FZD2: variants seen among roughly 807,000 people sequenced by gnomAD.
The protein encoded by FZD2 is frizzled-2.
Under a neutral mutation model 36.7 loss-of-function variants are expected in FZD2, and 17 were observed. The ratio of observed to expected loss-of-function variants is 0.46; its 90% confidence interval spans 0.32 to 0.70. The LOEUF (loss-of-function observed/expected upper bound fraction) is 0.70. Among genes scored for constraint, FZD2 ranks in the 30% least tolerant of loss-of-function variants. The pLI is 0.04. For synonymous variants in FZD2, 333 were observed against 359.6 expected (o/e 0.93, Z 0.84); for missense variants, 525 against 805.6 (o/e 0.65, Z 4.22).
In FZD2 at chr17:44,559,378, ACCGTGTGAGGGACGCCCCCAGG is replaced by A; in HGVS notation, c.1694_*17del. 1 of 1,600,404 alleles carries A rather than the reference ACCGTGTGAGGGACGCCCCCAGG, an allele frequency of 6.2e-7. No individual in the cohort carries two copies. The highest frequency in any genetic ancestry group is 8.5e-7 in the Non-Finnish European group (1 of 1,172,388). On this transcript the variant is annotated stop_lost and 3_prime_UTR_variant, in exon 1 of 1. Transcript: ENST00000315323. This position sits in a 1 kb window ranked among gnomAD's most constrained non-coding sequence, Gnocchi z 4.4. ...CACCAACAGCCGACACGGTGAGACC[ACCGTGTGAGGGACGCCCCCAGG>A]CCGGAACCGCGCGGCGCTTTCCTCC...
chr17:44,557,851 A>G lies in FZD2; in HGVS notation c.163A>G (p.Thr55Ala), dbSNP rs1026329445. 1 of 1,613,972 alleles carries G rather than the reference A, an allele frequency of 6.2e-7. No individual in the cohort carries two copies. The highest frequency in any genetic ancestry group is 8.5e-7 in the Non-Finnish European group (1 of 1,179,990). The change falls in exon 1 of 1, where the codon ACC becomes GCC. Residue 55 changes from threonine (T) to alanine (A), a missense_variant. Thr to Ala is a moderately conservative substitution (Grantham distance 58). Transcript: ENST00000315323. This position sits in a 1 kb window ranked among gnomAD's most constrained non-coding sequence, Gnocchi z 4.9. ...GTGCACGGACATCGCCTACAACCAG[A>G]CCATCATGCCCAACCTTCTGGGCCA... ...PLCTDIAYNQ[T>A]IMPNLLGHTN...
Position 44,558,890 on chromosome 17 carries a change from T to C in FZD2, c.1202T>C (p.Val401Ala). 2 of 1,612,768 alleles carry C rather than the reference T, an allele frequency of 1.2e-6. No homozygotes were observed. The highest frequency in any genetic ancestry group is 1.7e-6 in the Non-Finnish European group (2 of 1,179,550). ...ATCGACGGCGACCTGCTGAGCGGCG[T>C]GTGCTTCGTAGGCCTCAACAGCCTG... ...GQIDGDLLSG[V>A]CFVGLNSLDP... The change falls in exon 1 of 1, where the codon GTG becomes GCG. Residue 401 changes from valine to alanine, a missense_variant. By Grantham distance (64) the Val-to-Ala change is moderately conservative (BLOSUM62 0). This residue lies in a region of FZD2 where 189 missense variants were observed against 298.1 expected (regional missense o/e 0.63). Transcript: ENST00000315323. The surrounding 1 kb of genome is among the most constrained non-coding windows in gnomAD (Gnocchi z 9.3).
Position 44,559,681 on chromosome 17 carries a change from A to G in FZD2, c.*295A>G, listed in dbSNP as rs1038186848. 6 of 185,978 alleles carry G rather than the reference A, an allele frequency of 3.2e-5. No individual in the cohort carries two copies. Among genetic ancestry groups the G allele is most frequent in the African/African-American group, 1.2e-4 (5 of 42,356 alleles). 11.5% of individuals were successfully genotyped at this position (185,978 alleles called of 1,614,324 possible). On this transcript the variant is annotated 3_prime_UTR_variant, in exon 1 of 1. Transcript: ENST00000315323. The surrounding 1 kb of genome is among the most constrained non-coding windows in gnomAD (Gnocchi z 4.4). ...GAGGTGTGTGTGTGTTGGGGAGTGT[A>G]GTTGGGGGGAGGGTTCTCTTTCTTA...
In FZD2 at chr17:44,557,656, C is replaced by T. The variant is rs894480306; in HGVS notation, c.-33C>T. The T allele has an allele frequency of 2.6e-4, 300 of 1,169,234 alleles. No individual in the cohort carries two copies. In the African/African-American group the frequency reaches 4.7e-3, roughly 18 times the overall value. The allele number at this position is 1,169,234 out of a possible 1,614,324, so 72.4% of individuals were successfully genotyped here. On this transcript the variant is annotated 5_prime_UTR_variant, in exon 1 of 1. Transcript: ENST00000315323. This position sits in a 1 kb window ranked among gnomAD's most constrained non-coding sequence, Gnocchi z 4.9. Reference sequence around the variant, plus strand: ...GGGTTGGGGGCGGGGGCGGGGGGGGCGCCAAGGAGCCGGGTGGGGGGCGGC... The same window carrying T: ...GGGTTGGGGGCGGGGGCGGGGGGGGTGCCAAGGAGCCGGGTGGGGGGCGGC...
Position 44,558,194 on chromosome 17 carries a change from C to A in FZD2, c.506C>A (p.Pro169Gln). The stretch of plus-strand genomic sequence containing the variant: ...CCCGCGCTACTCACCACCGCGCCGC[C>A]GCCGGGACTGCAGCCGGGTGCCGGG... Reference protein sequence around the residue: ...GAPALLTTAPPPGLQPGAGGT... With the variant: ...GAPALLTTAPQPGLQPGAGGT... Residue 169 changes from proline (P) to glutamine (Q), a missense_variant, in exon 1 of 1, where the codon CCG (proline) becomes CAG (glutamine). By Grantham distance (76) the Pro-to-Gln change is moderately conservative. Transcript: ENST00000315323. This position sits in a 1 kb window ranked among gnomAD's most constrained non-coding sequence, Gnocchi z 9.3. 6.8e-7 allele frequency: 1 copy of A among 1,479,308 alleles called. No homozygotes were observed. The highest frequency in any genetic ancestry group is 2.7e-5 in the East Asian group (1 of 36,912). 91.6% of individuals were successfully genotyped at this position (1,479,308 alleles called of 1,614,324 possible). A position where few individuals can be genotyped will look rare whatever the true frequency, so the allele number is the denominator to read the frequency against.
Position 44,558,294 on chromosome 17 carries a change from G to T in FZD2, c.606G>T (p.Pro202=), listed in dbSNP as rs200498423. The T allele has an allele frequency of 2.4e-4, 354 of 1,455,774 alleles. 2 individuals carry two copies. In the East Asian group the frequency reaches 7.2e-3, roughly 30 times the overall value. The allele number at this position is 1,455,774 out of a possible 1,614,324, so 90.2% of individuals were successfully genotyped here. A position where few individuals can be genotyped will look rare whatever the true frequency, so the allele number is the denominator to read the frequency against. The change falls in exon 1 of 1, where the codon CCG becomes CCT. Residue 202 remains proline, a synonymous_variant. Transcript: ENST00000315323. The surrounding 1 kb of genome is among the most constrained non-coding windows in gnomAD (Gnocchi z 9.3). Reference sequence around the variant, plus strand: ...CGCTGGAGCACCCCTTCCACTGCCCGCGCGTCCTCAAGGTGCCATCCTATC... The same window carrying T: ...CGCTGGAGCACCCCTTCCACTGCCCTCGCGTCCTCAAGGTGCCATCCTATC... ...YATLEHPFHC[P]RVLKVPSYLS...
chr17:44,559,221 G>T lies in FZD2; in HGVS notation c.1533G>T (p.Thr511=). ...SLAIPCPAHY[T]PRMSPDFTVY... ...CCATCCCGTGCCCGGCGCACTACAC[G>T]CCGCGCATGTCGCCCGACTTCACGG... Residue 511 remains threonine, a synonymous_variant, in exon 1 of 1, where the codon ACG becomes ACT. Transcript: ENST00000315323. This position sits in a 1 kb window ranked among gnomAD's most constrained non-coding sequence, Gnocchi z 4.4. 1 of 1,614,022 alleles carries T rather than the reference G, an allele frequency of 6.2e-7. No individual in the cohort carries two copies. The highest frequency in any genetic ancestry group is 1.3e-5 in the African/African-American group (1 of 75,070).
Position 44,558,334 on chromosome 17 carries a change from C to A in FZD2, c.646C>A (p.Leu216Met). ...KVPSYLSYKF[L>M]GERDCAAPCE... ...GCCATCCTATCTCAGCTACAAGTTT[C>A]TGGGCGAGCGTGATTGTGCTGCGCC... Residue 216 changes from leucine to methionine, a missense_variant, in exon 1 of 1, where the codon CTG becomes ATG. By Grantham distance (15) the Leu-to-Met change is conservative (BLOSUM62 2). Transcript: ENST00000315323. This position sits in a 1 kb window ranked among gnomAD's most constrained non-coding sequence, Gnocchi z 9.3. The A allele has an allele frequency of 1.3e-6, 2 of 1,502,682 alleles. No individual in the cohort carries two copies. Among genetic ancestry groups the A allele is most frequent in the Non-Finnish European group, 1.8e-6 (2 of 1,132,018 alleles). 93.1% of individuals were successfully genotyped at this position (1,502,682 alleles called of 1,614,324 possible). A position where few individuals can be genotyped will look rare whatever the true frequency, so the allele number is the denominator to read the frequency against.
In FZD2 at chr17:44,559,420, TCCTCCGCCCGGGGTGGGGCC is replaced by T. The variant is rs1227929097; in HGVS notation, c.*38_*57del. The T allele has an allele frequency of 1.3e-6, 2 of 1,529,992 alleles. No individual in the cohort carries two copies. Among genetic ancestry groups the T allele is most frequent in the Admixed American group, 2.1e-5 (1 of 46,810 alleles). 94.8% of individuals were successfully genotyped at this position (1,529,992 alleles called of 1,614,324 possible). A position where few individuals can be genotyped will look rare whatever the true frequency, so the allele number is the denominator to read the frequency against. On this transcript the variant is annotated 3_prime_UTR_variant, in exon 1 of 1. Transcript: ENST00000315323. The surrounding 1 kb of genome is among the most constrained non-coding windows in gnomAD (Gnocchi z 4.4). ...CCCAGGCCGGAACCGCGCGGCGCTT[TCCTCCGCCCGGGGTGGGGCC>T]CCTACAGACTCCGTATTTTATTTTT...
chr17:44,559,307 G>A lies in FZD2; in HGVS notation c.1619G>A (p.Trp540Ter), dbSNP rs1344385392. 2 of 1,613,844 alleles carry A rather than the reference G, an allele frequency of 1.2e-6. No homozygotes were observed. The highest frequency in any genetic ancestry group is 1.7e-6 in the Non-Finnish European group (2 of 1,179,940). ...IVGITSGFWI[W>*]SGKTLHSWRK... ...GGCATCACGTCGGGCTTCTGGATCT[G>A]GTCGGGCAAGACGCTGCACTCGTGG... Residue 540 changes from tryptophan to a stop codon, truncating the protein, a stop_gained, in exon 1 of 1, where the codon TGG becomes TAG. Coordinates refer to ENST00000315323, the MANE Select transcript of FZD2 (RefSeq NM_001466.4). LOFTEE classifies it high-confidence loss of function. The surrounding 1 kb of genome is among the most constrained non-coding windows in gnomAD (Gnocchi z 4.4).
Position 44,559,566 on chromosome 17 carries a change from T to C in FZD2, c.*180T>C. 1 of 644,236 alleles carries C rather than the reference T, an allele frequency of 1.6e-6. No individual in the cohort carries two copies. The highest frequency in any genetic ancestry group is 5.0e-5 in the South Asian group (1 of 19,830). The allele number at this position is 644,236 out of a possible 1,614,324, so 39.9% of individuals were successfully genotyped here. On this transcript the variant is annotated 3_prime_UTR_variant, in exon 1 of 1. Transcript: ENST00000315323. The surrounding 1 kb of genome is among the most constrained non-coding windows in gnomAD (Gnocchi z 4.4). ...CAAGGTTTGTAATTAAAACTGTAAA[T>C]AGTCTTTGTAAATTTAATTATATAT...
Position 44,558,282 on chromosome 17 carries a change from C to T in FZD2, c.594C>T (p.Pro198=). 1 of 1,447,156 alleles carries T rather than the reference C, an allele frequency of 6.9e-7. No homozygotes were observed. The highest frequency in any genetic ancestry group is 9.0e-7 in the Non-Finnish European group (1 of 1,106,178). The allele number at this position is 1,447,156 out of a possible 1,614,324, so 89.6% of individuals were successfully genotyped here. A position where few individuals can be genotyped will look rare whatever the true frequency, so the allele number is the denominator to read the frequency against. ...APPRYATLEH[P]FHCPRVLKVP... is the part of the protein sequence containing the mutation. ...CGCGCTACGCCACGCTGGAGCACCCCTTCCACTGCCCGCGCGTCCTCAAGG... is the reference window on the plus strand; with the variant it reads ...CGCGCTACGCCACGCTGGAGCACCCTTTCCACTGCCCGCGCGTCCTCAAGG... Residue 198 remains proline, a synonymous_variant, in exon 1 of 1, where the codon CCC becomes CCT. Transcript: ENST00000315323. The surrounding 1 kb of genome is among the most constrained non-coding windows in gnomAD (Gnocchi z 9.3).
Position 44,557,545 on chromosome 17 carries a change from A to T in FZD2, c.-144A>T, listed in dbSNP as rs1357197470. On this transcript the variant is annotated 5_prime_UTR_variant, in exon 1 of 1. Transcript: ENST00000315323. The surrounding 1 kb of genome is among the most constrained non-coding windows in gnomAD (Gnocchi z 4.9). The stretch of plus-strand genomic sequence containing the variant: ...CCCCCTCCCCCGCCCGGCCTCCCCA[A>T]CTCTGCGGCCGCGAGTAAAGTTTGC... 1 of 557,376 alleles carries T rather than the reference A, an allele frequency of 1.8e-6. No individual in the cohort carries two copies. The highest frequency in any genetic ancestry group is 2.0e-5 in the African/African-American group (1 of 49,204). The allele number at this position is 557,376 out of a possible 1,614,324, so 34.5% of individuals were successfully genotyped here.
chr17:44,557,984 T>C lies in FZD2; in HGVS notation c.296T>C (p.Val99Ala). The C allele has an allele frequency of 1.2e-6, 2 of 1,613,988 alleles. No homozygotes were observed. The highest frequency in any genetic ancestry group is 1.7e-6 in the Non-Finnish European group (2 of 1,179,988). Residue 99 changes from valine (V) to alanine (A), a missense_variant, in exon 1 of 1, where the codon GTG (valine) becomes GCG (alanine). Physicochemically the swap from Val to Ala is moderately conservative, Grantham distance 64. Transcript: ENST00000315323. This position sits in a 1 kb window ranked among gnomAD's most constrained non-coding sequence, Gnocchi z 4.9. Reference sequence around the variant, plus strand: ...TTCCTGTGCTCCATGTACGCACCCGTGTGCACCGTGCTGGAACAGGCCATC... The same window carrying C: ...TTCCTGTGCTCCATGTACGCACCCGCGTGCACCGTGCTGGAACAGGCCATC... ...RFFLCSMYAPVCTVLEQAIPP... is the reference protein window; with the variant it reads ...RFFLCSMYAPACTVLEQAIPP...
rs1970878240 is a variant in FZD2 at position 44,560,659 on chromosome 17, C to T, written c.*1273C>T. On this transcript the variant is annotated 3_prime_UTR_variant, in exon 1 of 1. Transcript: ENST00000315323. ...TGAGTGTTTACATTACATTCTATAT[C>T]ACAAGATTGATAGGATGTTTAAAGC... 6.6e-6 allele frequency among the ~76,000 whole-genome samples: 1 copy of T among 151,740 alleles called. No individual in the cohort carries two copies. Among genetic ancestry groups the T allele is most frequent in the South Asian group, 2.1e-4 (1 of 4,808 alleles).
At position 44,557,751 on chromosome 17, in the gene FZD2, G is replaced by C; in HGVS notation, c.63G>C (p.Gly21=). The stretch of plus-strand genomic sequence containing the variant: ...CGCTGCTGCTGCTGCCCGCCGCCGG[G>C]CCGGCCCAGTTCCACGGGGAGAAGG... ...LLPLLLLPAA[G]PAQFHGEKGI... Residue 21 remains glycine (G), a synonymous_variant, in exon 1 of 1, where the codon GGG becomes GGC. Transcript: ENST00000315323. This position sits in a 1 kb window ranked among gnomAD's most constrained non-coding sequence, Gnocchi z 4.9. The C allele has an allele frequency of 6.2e-7, 1 of 1,610,114 alleles. No homozygotes were observed.
Position 44,559,114 on chromosome 17 carries a change from G to C in FZD2, c.1426G>C (p.Val476Leu). 6.2e-7 allele frequency: 1 copy of C among 1,614,066 alleles called. No homozygotes were observed. Among genetic ancestry groups the C allele is most frequent in the Non-Finnish European group, 8.5e-7 (1 of 1,180,032 alleles). Residue 476 changes from valine (V) to leucine (L), a missense_variant, in exon 1 of 1, where the codon GTC becomes CTC. Val to Leu is a conservative substitution (Grantham distance 32). Transcript: ENST00000315323. This position sits in a 1 kb window ranked among gnomAD's most constrained non-coding sequence, Gnocchi z 4.4. Reference sequence around the variant, plus strand: ...GCTCTACACAGTGCCCGCCACCATCGTCATCGCTTGCTACTTCTACGAGCA... The same window carrying C: ...GCTCTACACAGTGCCCGCCACCATCCTCATCGCTTGCTACTTCTACGAGCA... ...SVLYTVPATIVIACYFYEQAF... is the reference protein window; with the variant it reads ...SVLYTVPATILIACYFYEQAF...
At position 44,559,469 on chromosome 17, in the gene FZD2, A is replaced by C; in HGVS notation, c.*83A>C. On this transcript the variant is annotated 3_prime_UTR_variant, in exon 1 of 1. Coordinates refer to ENST00000315323, the MANE Select transcript of FZD2 (RefSeq NM_001466.4). This position sits in a 1 kb window ranked among gnomAD's most constrained non-coding sequence, Gnocchi z 4.4. ...ACAGACTCCGTATTTTATTTTTTTA[A>C]ATAAAAAACGATCGAAACCATTTCA... 7.0e-7 allele frequency: 1 copy of C among 1,426,936 alleles called. No homozygotes were observed. The highest frequency in any genetic ancestry group is 9.1e-7 in the Non-Finnish European group (1 of 1,093,946). The allele number at this position is 1,426,936 out of a possible 1,614,324, so 88.4% of individuals were successfully genotyped here.
In FZD2 at chr17:44,559,221, G is replaced by A. The variant is rs747484003; in HGVS notation, c.1533G>A (p.Thr511=). The A allele has an allele frequency of 1.9e-6, 3 of 1,613,904 alleles. No individual in the cohort carries two copies. In the African/African-American group the frequency reaches 4.0e-5, roughly 22 times the overall value. Residue 511 remains threonine (T), a synonymous_variant, in exon 1 of 1, where the codon ACG becomes ACA. Coordinates refer to ENST00000315323, the MANE Select transcript of FZD2 (RefSeq NM_001466.4). The surrounding 1 kb of genome is among the most constrained non-coding windows in gnomAD (Gnocchi z 4.4). The part of the protein sequence containing the change: ...SLAIPCPAHY[T]PRMSPDFTVY... ...CCATCCCGTGCCCGGCGCACTACAC[G>A]CCGCGCATGTCGCCCGACTTCACGG...
Sources: allele counts gnomAD v4.1 joint callset (sites outside exome capture counted in the v4.1 genomes callset), GRCh38; gene constraint gnomAD v4.1.1; regional missense constraint gnomAD v4.1.1; non-coding constraint Gnocchi (gnomAD v3.1); transcripts MANE v1.5; gene names NCBI Gene and HGNC (gene_info 2026-07-23, HGNC 2026-07-21).